The following AP3B1 variants were observed in gnomAD, a reference collection of about 807,000 sequenced individuals.
AP3B1 encodes the protein AP-3 complex subunit beta-1.
In AP3B1, 61 loss-of-function variants were observed where a neutral mutation model predicts 132.5. That is an observed-to-expected ratio of 0.46 (90% CI 0.37 to 0.57). AP3B1 has a LOEUF of 0.57. Ranked by LOEUF, AP3B1 falls within the 20% of genes least tolerant of loss-of-function variation. AP3B1 has a pLI of 0.00. For missense variants in AP3B1, 1,120 were observed against 1,289.4 expected (o/e 0.87, Z 2.01); for synonymous variants, 388 against 438.3 (o/e 0.89, Z 1.43).
intron 14 of AP3B1, among the ~76,000 whole-genome samples, 171 bp from the exon 15 acceptor site, chr5:78,141,490 C>T (rs1230548848): frequency 5.9e-5 from 9 of 152,042 alleles, no homozygotes; most frequent in Non-Finnish European, 5.9e-5. Context: ...AAAATAAACA[C>T]ATAGGAAATC....
At chr5:78,085,213 T>C (rs984745151) in intron 22 of AP3B1, among the ~76,000 whole-genome samples, 3 of 152,232 alleles carry the variant, frequency 2.0e-5, no homozygotes, top group East Asian at 1.9e-4. Flanking sequence ...GCCTGCTTCA[T>C]TGCATACCTC....
intron 2 of AP3B1, among the ~76,000 whole-genome samples, chr5:78,253,957 CAAA>C (rs35713067): frequency 1.7e-4 from 16 of 93,882 alleles, no homozygotes; most frequent in Admixed American, 2.5e-4. Context: ...GACTCCACCT[CAAA>C]AAAAAAAAAA....
At chr5:78,249,584 T>TC (rs1305972995) in intron 2 of AP3B1, among the ~76,000 whole-genome samples, 2 of 143,564 alleles carry the variant, frequency 1.4e-5, no homozygotes, top group African/African-American at 2.6e-5. Context: ...TTTTTCTTTT[T>TC]TTTTTTTTTT....
intron 14 of AP3B1, among the ~76,000 whole-genome samples, chr5:78,143,481 T>C (rs1029441311): frequency 3.3e-5 from 5 of 152,124 alleles, no homozygotes; most frequent in African/African-American, 1.2e-4. Flanking sequence ...ATAATATCAA[T>C]ATAAATATAC....
chr5:78,174,659 C>T (rs182615307), intron 11 of AP3B1, among the ~76,000 whole-genome samples: 232 of 152,330 alleles, frequency 1.5e-3, no homozygotes, highest in African/African-American at 5.4e-3. Context: ...GAGGTGTCTC[C>T]CAGTTAGGCT....
chr5:78,290,736 C>T (rs1269118156), intron 1 of AP3B1, among the ~76,000 whole-genome samples: 1 of 152,032 alleles, frequency 6.6e-6, no homozygotes, highest in East Asian at 1.9e-4. Flanking sequence ...ATTGCTTGAG[C>T]CTAGGAGTTC....
chr5:78,144,718 C>T, intron 14 of AP3B1, among the ~76,000 whole-genome samples: 1 of 152,170 alleles, frequency 6.6e-6, no homozygotes, highest in Non-Finnish European at 1.5e-5. Context: ...TTCAATATTA[C>T]TCAGTTTTTA....
chr5:78,170,206 G>A (rs1052672544), intron 11 of AP3B1, among the ~76,000 whole-genome samples: 10 of 152,066 alleles, frequency 6.6e-5, no homozygotes, highest in African/African-American at 1.9e-4. Context: ...GAATAGTGCC[G>A]CAATAAACAT....
At chr5:78,118,165 T>A (rs554873230) in intron 17 of AP3B1, among the ~76,000 whole-genome samples, 1 of 152,360 alleles carries the variant, frequency 6.6e-6, no homozygotes, top group South Asian at 2.1e-4. Context: ...GGTGCACATT[T>A]GACCTAGTTT....
intron 20 of AP3B1, among the ~76,000 whole-genome samples, chr5:78,102,256 G>A (rs773364171): frequency 9.9e-5 from 15 of 152,184 alleles, no homozygotes; most frequent in Non-Finnish European, 1.6e-4. Context: ...AAAGCATTAC[G>A]TAAAATTATA....
At chr5:78,145,060 G>A (rs185150416) in intron 14 of AP3B1, among the ~76,000 whole-genome samples, 137 of 152,190 alleles carry the variant, frequency 9.0e-4, no homozygotes, top group African/African-American at 3.1e-3. Flanking sequence ...TGAAGGATAC[G>A]CCAAAGGACA....
intron 20 of AP3B1, among the ~76,000 whole-genome samples, chr5:78,103,448 A>G (rs1048088449): frequency 1.3e-5 from 2 of 152,184 alleles, no homozygotes; most frequent in African/African-American, 4.8e-5. Context: ...ATCATATTTT[A>G]CTGTGCGATT....
At chr5:78,141,051 G>C (rs1241955466) in intron 15 of AP3B1, 92 bp downstream of exon 15, 1 of 1,174,954 alleles carries the variant, frequency 8.5e-7, no homozygotes, top group African/African-American at 1.5e-5. Flanking sequence ...ATTGTTGAAT[G>C]GTCAGACTAA....
Position 78,019,967 on chromosome 5 carries a change from A to G in AP3B1, c.2992+725T>C, listed in dbSNP as rs116631360. 2.5e-3 allele frequency among the ~76,000 whole-genome samples: 379 copies of G among 152,220 alleles called. 1 individual carries two copies. The highest frequency in any genetic ancestry group is 8.5e-3 in the African/African-American group (354 of 41,552). On this transcript the variant is annotated intron_variant, in intron 25 of 26. Transcript: ENST00000255194. ...TGACTATAGCATTTAAATATGCCTT[A>G]ATTTTATAAATGTTATCGTTAATTA...
At chr5:78,265,358 G>A (rs745839153) in intron 2 of AP3B1, among the ~76,000 whole-genome samples, 8 of 152,140 alleles carry the variant, frequency 5.3e-5, no homozygotes, top group Non-Finnish European at 7.4e-5. Context: ...TGGGAGGATC[G>A]CTTGGGCTCA....
intron 6 of AP3B1, among the ~76,000 whole-genome samples, chr5:78,223,027 C>CTCTTTTTTTTTT (rs66493022): frequency 1.6e-5 from 2 of 127,818 alleles, no homozygotes; most frequent in Non-Finnish European, 1.7e-5. Flanking sequence ...TTGTTTGTTT[C>CTCTTTTTTTTTT]TTTTTTTTTT....
intron 14 of AP3B1, among the ~76,000 whole-genome samples, chr5:78,153,006 T>C (rs1753735101): frequency 1.3e-5 from 2 of 152,232 alleles, no homozygotes; most frequent in African/African-American, 4.8e-5. Context: ...AGAATGTGTA[T>C]TCTGCAGCTC....
chr5:78,252,473 C>T (rs748276061), intron 2 of AP3B1, among the ~76,000 whole-genome samples: 5 of 152,094 alleles, frequency 3.3e-5, no homozygotes, highest in Admixed American at 6.5e-5. Flanking sequence ...AGGGTGAGTC[C>T]CAGGCCAAGC....
At chr5:78,138,929 C>CACTG (rs1753024986) in intron 15 of AP3B1, among the ~76,000 whole-genome samples, 2 of 127,174 alleles carry the variant, frequency 1.6e-5, no homozygotes, top group Admixed American at 9.6e-5. Context: ...AAGATCATGC[C>CACTG]ACTGAACTCT....
Sources: allele counts gnomAD v4.1 joint callset (sites outside exome capture counted in the v4.1 genomes callset), GRCh38; gene constraint gnomAD v4.1.1; transcripts MANE v1.5; gene names NCBI Gene and HGNC (gene_info 2026-07-23, HGNC 2026-07-21).